PLD5: variants seen among roughly 807,000 people sequenced by gnomAD.
PLD5 encodes inactive phospholipase D5.
PLD5 carries 36 observed loss-of-function variants against 61.1 expected under a neutral mutation model. The ratio of observed to expected loss-of-function variants is 0.59; its 90% CI spans 0.45 to 0.78. The LOEUF (loss-of-function observed/expected upper bound fraction) is 0.78, where lower values mean the gene tolerates loss of function less well. Ranked by LOEUF, PLD5 falls within the 30% of genes least tolerant of loss-of-function variation. The pLI is 0.00. For synonymous variants in PLD5, 243 were observed against 242.8 expected, an observed-to-expected ratio of 1.00 and a Z score of -0.01; for missense variants, 515 against 644.4, an observed-to-expected ratio of 0.80 and a Z score of 2.17.
At chr1:242,131,308 A>G (rs1663226434) in intron 5 of PLD5, among the ~76,000 whole-genome samples, 1 of 152,172 alleles carries the variant, frequency 6.6e-6, no homozygotes, top group African/African-American at 2.4e-5. Flanking sequence ...CTGTCTCAAA[A>G]AAAACAACAG....
intron 5 of PLD5, among the ~76,000 whole-genome samples, chr1:242,177,206 A>G (rs2148892428): frequency 6.6e-6 from 1 of 152,378 alleles, no homozygotes; most frequent in African/African-American, 2.4e-5. Flanking sequence ...AAAATGTGGC[A>G]CATATATACC....
intron 4 of PLD5, among the ~76,000 whole-genome samples, chr1:242,260,188 A>C (rs748071778): frequency 3.3e-5 from 5 of 152,120 alleles, no homozygotes; most frequent in Non-Finnish European, 7.4e-5. Context: ...CTCTACTAAA[A>C]ATACAAAAAT....
At chr1:242,297,640 T>C (rs1375224599) in intron 2 of PLD5, among the ~76,000 whole-genome samples, 2 of 42,992 alleles carry the variant, frequency 4.7e-5, no homozygotes, top group African/African-American at 1.6e-4. Flanking sequence ...TTTTTTTTTT[T>C]TTTTTTTTTT....
At chr1:242,095,830 GGTT>G (rs1232217831) in intron 9 of PLD5, among the ~76,000 whole-genome samples, 2 of 152,008 alleles carry the variant, frequency 1.3e-5, no homozygotes, top group Non-Finnish European at 2.9e-5. Context: ...ATGATTTTGG[GGTT>G]GTTTTTAATC....
intron 1 of PLD5, among the ~76,000 whole-genome samples, chr1:242,514,560 C>T (rs923281367): frequency 6.6e-6 from 1 of 151,850 alleles, no homozygotes; most frequent in Non-Finnish European, 1.5e-5. Flanking sequence ...ATGTAACAAA[C>T]CTTCACATGT....
chr1:242,476,303 C>T (rs949431817), intron 1 of PLD5, among the ~76,000 whole-genome samples: 3 of 151,570 alleles, frequency 2.0e-5, no homozygotes, highest in Admixed American at 6.6e-5. Context: ...TGCAGTGAGC[C>T]GAGATTGCAC....
chr1:242,214,871 C>CTTTTTTTTTTTTTTTT (rs71570942), intron 5 of PLD5, among the ~76,000 whole-genome samples: 1 of 92,458 alleles, frequency 1.1e-5, no homozygotes, highest in Non-Finnish European at 1.9e-5. Context: ...CATTAAACAC[C>CTTTTTTTTTTTTTTTT]TTTTTTTTTT....
intron 1 of PLD5, among the ~76,000 whole-genome samples, chr1:242,511,869 T>G (rs1446101153): frequency 6.6e-6 from 1 of 152,212 alleles, no homozygotes; most frequent in Admixed American, 6.5e-5. Flanking sequence ...AAAAGGTGTA[T>G]AGGAGATGCT....
intron 5 of PLD5, among the ~76,000 whole-genome samples, chr1:242,145,048 A>G (rs1359706998): frequency 1.3e-5 from 2 of 152,218 alleles, no homozygotes; most frequent in African/African-American, 2.4e-5. Flanking sequence ...TATTAAAACT[A>G]TTATTAGCCC....
intron 1 of PLD5, among the ~76,000 whole-genome samples, chr1:242,359,095 CG>C (rs200113692): frequency 0.021 from 3,225 of 152,228 alleles, 49 homozygotes; most frequent in East Asian, 0.033. Flanking sequence ...TCTCTGATCA[CG>C]GTACTGCTGG....
intron 4 of PLD5, 77 bp downstream of exon 4, chr1:242,265,260 T>C (rs575823031): frequency 5.4e-6 from 8 of 1,490,358 alleles, no homozygotes; most frequent in East Asian, 5.1e-5. Context: ...AAAGAAATTA[T>C]ATATTATTTT....
chr1:242,212,906 C>T (rs1669923323), intron 5 of PLD5, among the ~76,000 whole-genome samples: 1 of 152,170 alleles, frequency 6.6e-6, no homozygotes, highest in Non-Finnish European at 1.5e-5. Flanking sequence ...AGAACAGTTG[C>T]CTTTGAAGGG....
At chr1:242,175,917 T>C (rs1667109456) in intron 5 of PLD5, among the ~76,000 whole-genome samples, 1 of 152,160 alleles carries the variant, frequency 6.6e-6, no homozygotes, top group Non-Finnish European at 1.5e-5. Flanking sequence ...TACAAACCAC[T>C]GCTCAAGGAA....
chr1:242,113,084 C>CT (rs71570931), intron 7 of PLD5, among the ~76,000 whole-genome samples: 8,567 of 109,358 alleles, frequency 0.078, 491 homozygotes, highest in African/African-American at 0.14. Context: ...CTCTCTCTCT[C>CT]TTTTTTTTTT....
rs1209414133 is a variant in PLD5 at position 242,088,415 on chromosome 1, A to G, written c.*1439T>C. ...ATTCCATCAAGATATGACAAAGTTT[A>G]TTTCAAGAAAAAGATTATATATTAT... is the stretch of plus-strand genomic sequence containing the variant. On this transcript the variant is annotated 3_prime_UTR_variant, in exon 10 of 10. Coordinates refer to ENST00000536534, the MANE Select transcript of PLD5 (RefSeq NM_001372062.1). 1 of 152,216 alleles carries G rather than the reference A, an allele frequency of 6.6e-6. No individual in the cohort carries two copies. Among genetic ancestry groups the G allele is most frequent in the Non-Finnish European group, 1.5e-5 (1 of 68,028 alleles). The allele number at this position is 152,216 out of a possible 1,614,324, so 9.4% of individuals were successfully genotyped here. A position where few individuals can be genotyped will look rare whatever the true frequency, so the allele number is the denominator to read the frequency against.
chr1:242,283,540 A>G (rs969208737), intron 3 of PLD5, among the ~76,000 whole-genome samples: 1 of 152,192 alleles, frequency 6.6e-6, no homozygotes, highest in Non-Finnish European at 1.5e-5. Flanking sequence ...TCCCCCAACT[A>G]AAAAAATATT....
At chr1:242,264,508 C>T (rs972057495) in intron 4 of PLD5, among the ~76,000 whole-genome samples, 20 of 152,102 alleles carry the variant, frequency 1.3e-4, no homozygotes, top group Non-Finnish European at 2.1e-4. Flanking sequence ...GAAGGAATTG[C>T]CACTTAAAAA....
intron 1 of PLD5, among the ~76,000 whole-genome samples, chr1:242,389,995 GAAT>G (rs1434019583): frequency 1.4e-5 from 2 of 142,932 alleles, no homozygotes; most frequent in Non-Finnish European, 3.0e-5. Flanking sequence ...ACTCTGCTAG[GAAT>G]AATGATACAA....
chr1:242,270,882 A>G (rs1674024414), intron 3 of PLD5, among the ~76,000 whole-genome samples: 1 of 152,152 alleles, frequency 6.6e-6, no homozygotes, highest in Admixed American at 6.5e-5. Context: ...GAAGCCACTA[A>G]TAATCTGATA....
Sources: allele counts gnomAD v4.1 joint callset (sites outside exome capture counted in the v4.1 genomes callset), GRCh38; gene constraint gnomAD v4.1.1; transcripts MANE v1.5; gene names NCBI Gene and HGNC (gene_info 2026-07-23, HGNC 2026-07-21).